The following NAV2 variants were observed in gnomAD, a reference collection of about 807,000 sequenced individuals.
NAV2 encodes neuron navigator 2, also known as helicase, APC down-regulated 1.
A neutral mutation model predicts 223.2 loss-of-function variants in NAV2; 54 were observed. The observed-to-expected ratio is 0.24, with a 90% CI of 0.19 to 0.30. The LOEUF (loss-of-function observed/expected upper bound fraction) is 0.30, where lower values mean the gene tolerates loss of function less well. Ranked by LOEUF, NAV2 falls within the 10% of genes least tolerant of loss-of-function variation. NAV2 has a pLI of 1.00. For synonymous variants in NAV2, 1,279 were observed against 1,239.3 expected (o/e 1.03, Z -0.67); for missense variants, 2,806 against 3,147.5 (o/e 0.89, Z 2.60).
chr11:19,621,591 C>T (rs562697689), intron 1 of NAV2, among the ~76,000 whole-genome samples: 4 of 152,214 alleles, frequency 2.6e-5, no homozygotes, highest in South Asian at 2.1e-4. Flanking sequence ...TCTGTGGGAT[C>T]GGTGGTGATA....
At chr11:20,030,510 G>A (rs1038352590) in intron 11 of NAV2, among the ~76,000 whole-genome samples, 17 of 152,120 alleles carry the variant, frequency 1.1e-4, no homozygotes, top group African/African-American at 4.1e-4. Context: ...TTGTCAATTA[G>A]TACTTTATTC....
At chr11:19,753,322 C>A (rs1177151495) in intron 1 of NAV2, among the ~76,000 whole-genome samples, 2 of 152,184 alleles carry the variant, frequency 1.3e-5, no homozygotes, top group East Asian at 3.9e-4. Flanking sequence ...AGCCCTTCCC[C>A]CTCAAGCCTC....
chr11:19,763,639 C>T (rs1694860397), intron 1 of NAV2, among the ~76,000 whole-genome samples: 2 of 152,206 alleles, frequency 1.3e-5, no homozygotes, highest in African/African-American at 2.4e-5. Context: ...AATACCAATC[C>T]GTACTCGCAT....
intron 1 of NAV2, among the ~76,000 whole-genome samples, chr11:19,546,903 T>G (rs937194235): frequency 1.2e-4 from 19 of 152,198 alleles, no homozygotes; most frequent in African/African-American, 4.6e-4. Context: ...AGACAACTTC[T>G]GTCTCATTTT....
intron 22 of NAV2, among the ~76,000 whole-genome samples, chr11:20,076,532 A>G (rs1022380892): frequency 3.3e-5 from 5 of 152,206 alleles, no homozygotes; most frequent in Non-Finnish European, 7.3e-5. Flanking sequence ...TCTTCAGTCT[A>G]TTGCTGGAAA....
intron 26 of NAV2, among the ~76,000 whole-genome samples, chr11:20,086,162 A>G (rs891138494): frequency 1.3e-5 from 2 of 152,240 alleles, no homozygotes; most frequent in African/African-American, 2.4e-5. Flanking sequence ...AATTTCATGT[A>G]TAATGGGTGG....
intron 27 of NAV2, 70 bp downstream of exon 27, chr11:20,091,088 T>A (rs2060811748): frequency 1.0e-5 from 16 of 1,552,496 alleles, no homozygotes; most frequent in Non-Finnish European, 1.4e-5. Flanking sequence ...TGCTCTCCAC[T>A]AAGCCCTGAG....
intron 10 of NAV2, chr11:19,978,987 A>G (rs2050058908): frequency 6.6e-6 from 1 of 152,228 alleles, no homozygotes. Context: ...TATTTGTTCT[A>G]GCAGGTCCTG....
intron 1 of NAV2, among the ~76,000 whole-genome samples, chr11:19,371,767 G>GTTT (rs9299953): frequency 2.1e-5 from 2 of 96,974 alleles, no homozygotes; most frequent in African/African-American, 7.4e-5. Flanking sequence ...TCTGTATCAG[G>GTTT]TTTTTTTTTT....
At chr11:19,546,147 C>T (rs1487374323) in intron 1 of NAV2, among the ~76,000 whole-genome samples, 1 of 152,166 alleles carries the variant, frequency 6.6e-6, no homozygotes, top group Non-Finnish European at 1.5e-5. Flanking sequence ...CTCAAACAGG[C>T]ATAGGAGACA....
chr11:19,870,789 A>G (rs2062432946), intron 4 of NAV2, among the ~76,000 whole-genome samples: 1 of 152,212 alleles, frequency 6.6e-6, no homozygotes, highest in Non-Finnish European at 1.5e-5. Context: ...TCCCTGAAGC[A>G]TGTAGCTAGA....
rs76670263 is a variant in NAV2 at position 20,110,452 on chromosome 11, G to T, written c.6960+2670G>T. ...GCACCATTAGGGGCCCGACGTGCATGATCTCATTTAGTTCTGACAGCCCAG... is the reference window on the plus strand; with the variant it reads ...GCACCATTAGGGGCCCGACGTGCATTATCTCATTTAGTTCTGACAGCCCAG... On this transcript the variant is annotated intron_variant, in intron 36 of 37. Transcript: ENST00000349880. Among the ~76,000 whole-genome samples the T allele has an allele frequency of 7.2e-3, 1,098 of 152,290 alleles. 75 individuals carry two copies. The East Asian group carries it at 0.16, about 22-fold the overall frequency.
chr11:19,673,925 C>T (rs2048641810), intron 1 of NAV2, among the ~76,000 whole-genome samples: 1 of 152,194 alleles, frequency 6.6e-6, no homozygotes, highest in Non-Finnish European at 1.5e-5. Context: ...CTTCTCCATG[C>T]TGTGTTTTTA....
intron 1 of NAV2, among the ~76,000 whole-genome samples, chr11:19,734,779 C>T (rs973885305): frequency 1.3e-5 from 2 of 152,168 alleles, no homozygotes; most frequent in Non-Finnish European, 2.9e-5. Flanking sequence ...TGCCTGGACT[C>T]CAAGTTTCTA....
chr11:19,505,694 C>T (rs1187936325), intron 1 of NAV2: 1 of 152,190 alleles, frequency 6.6e-6, no homozygotes, highest in African/African-American at 2.4e-5. Context: ...ACATTTACAG[C>T]AAAGCAGGTG....
At chr11:19,708,358 C>T (rs1370037148), upstream of NAV2, among the ~76,000 whole-genome samples, 1 of 152,156 alleles carries the variant, frequency 6.6e-6, no homozygotes, top group African/African-American at 2.4e-5. Context: ...CAAATAAACT[C>T]ATAAATATTT....
Position 19,704,952 on chromosome 11 carries a change from T to A in NAV2, c.76-127532T>A, listed in dbSNP as rs545255847. ...CGTGAACCCGGGAGGCGGAGCTTGCTGTGAGCAGAGATCATGCCACTGCAC... is the reference window on the plus strand; with the variant it reads ...CGTGAACCCGGGAGGCGGAGCTTGCAGTGAGCAGAGATCATGCCACTGCAC... On this transcript the variant is annotated intron_variant, in intron 1 of 37. Transcript: ENST00000360655. 1.4e-4 allele frequency among the ~76,000 whole-genome samples: 21 copies of A among 145,436 alleles called. No individual in the cohort carries two copies. The South Asian group carries it at 4.5e-3, about 31-fold the overall frequency.
chr11:19,502,925 T>A (rs1191484920), intron 1 of NAV2: 1 of 152,152 alleles, frequency 6.6e-6, no homozygotes, highest in African/African-American at 2.4e-5. Context: ...GTGTCCACAT[T>A]GTGTTAGTTG....
At chr11:20,109,345 G>T (rs1162617392) in intron 36 of NAV2, among the ~76,000 whole-genome samples, 1 of 152,202 alleles carries the variant, frequency 6.6e-6, no homozygotes, top group African/African-American at 2.4e-5. Flanking sequence ...AAAATCATTG[G>T]TTAGCAGAGC....
Sources: gnomAD v4.1 joint callset for allele counts (sites outside exome capture counted in the v4.1 genomes callset) on GRCh38, gnomAD v4.1.1 for gene constraint, MANE v1.5 for transcripts, NCBI Gene and HGNC (gene_info 2026-07-23, HGNC 2026-07-21) for gene names.